ZNF718: variants seen among roughly 807,000 people sequenced by gnomAD.
The protein encoded by ZNF718 is zinc finger protein 718.
Under a neutral mutation model 2.6 loss-of-function variants are expected in ZNF718, and 3 were observed. The observed-to-expected ratio is 1.16, with a 90% CI of 0.53 to 3.01. ZNF718 has a LOEUF of 3.01. ZNF718 is among the 30% of genes most tolerant of loss of function. ZNF718 has a pLI of 0.03. For missense variants in ZNF718, 468 were observed against 230.0 expected, an observed-to-expected ratio of 2.03 and a Z score of -6.69; for synonymous variants, 135 against 77.9, an observed-to-expected ratio of 1.73 and a Z score of -3.86.
At chr4:144,937 G>C (rs1157064570) in intron 3 of ZNF718, among the ~76,000 whole-genome samples, 1 of 149,768 alleles carries the variant, frequency 6.7e-6, no homozygotes, top group Non-Finnish European at 1.5e-5. Context: ...AGTTTTTTTT[G>C]TGACAGATTT....
Position 145,965 on chromosome 4 carries a change from T to C in ZNF718, c.226+14460T>C, listed in dbSNP as rs546933794. ...TATGTCACCCTTTACTTTTTTTTAA[T>C]ATTGTGTACCTGTTAACAAATATAC... On this transcript the variant is annotated intron_variant, in intron 3 of 3. Transcript: ENST00000510175. Among the ~76,000 whole-genome samples the C allele has an allele frequency of 1.2e-3, 179 of 152,124 alleles. 4 individuals are homozygous for C. The South Asian group carries it at 0.036, about 31-fold the overall frequency.
intron 3 of ZNF718, among the ~76,000 whole-genome samples, chr4:138,198 T>C (rs1246881669): frequency 6.6e-6 from 1 of 152,234 alleles, no homozygotes; most frequent in Non-Finnish European, 1.5e-5. Context: ...CTTTTGACTA[T>C]AGTCACTCTG....
At chr4:183,946 A>G (rs996377174) in intron 3 of ZNF718, among the ~76,000 whole-genome samples, 1 of 152,054 alleles carries the variant, frequency 6.6e-6, no homozygotes, top group Admixed American at 6.6e-5. Flanking sequence ...GGATCATGTC[A>G]TCTGCAGAGA....
rs1715402999 is a variant in ZNF718, at chr4:133,198, ATATATAT to A, written c.226+1694_226+1700del. ...ATCTTAAAAAAAAAAAAAAAAAAATATATATATATATATATATATATATATATATATG... is the reference window on the plus strand; with the variant it reads ...ATCTTAAAAAAAAAAAAAAAAAAATAATATATATATATATATATATATATG... On this transcript the variant is annotated intron_variant, in intron 3 of 3. Coordinates refer to ENST00000510175, the MANE Select transcript of ZNF718 (RefSeq NM_001039127.6). Among the ~76,000 whole-genome samples, 56 of 19,268 alleles carry A rather than the reference ATATATAT, an allele frequency of 2.9e-3. 8 individuals are homozygous for A. Among genetic ancestry groups the A allele is most frequent in the African/African-American group, 0.013 (49 of 3,826 alleles). 12.6% of individuals were successfully genotyped at this position (19,268 alleles called of 152,430 possible).
At chr4:153,045 T>A (rs1175236546) in intron 3 of ZNF718, among the ~76,000 whole-genome samples, 1 of 151,846 alleles carries the variant, frequency 6.6e-6, no homozygotes, top group African/African-American at 2.4e-5. Context: ...ATGTTTGGGT[T>A]TCCCAAACAT....
chr4:183,949 T>G (rs1217336472), intron 3 of ZNF718, among the ~76,000 whole-genome samples: 1 of 152,184 alleles, frequency 6.6e-6, no homozygotes, highest in Non-Finnish European at 1.5e-5. Context: ...TCATGTCATC[T>G]GCAGAGAAGA....
intron 1 of ZNF718, chr4:124,955 C>G (rs1265383412): frequency 5.3e-6 from 2 of 375,806 alleles, no homozygotes; most frequent in East Asian, 5.9e-5. Context: ...TGCGCGGTGC[C>G]GGCGTGGGAG....
At chr4:169,548 A>C (rs572660265) in intron 3 of ZNF718, among the ~76,000 whole-genome samples, 2 of 152,298 alleles carry the variant, frequency 1.3e-5, no homozygotes, top group South Asian at 4.1e-4. Flanking sequence ...TATTGGGTGC[A>C]TATATATTTA....
At chr4:171,488 C>T (rs115903868) in intron 3 of ZNF718, among the ~76,000 whole-genome samples, 2,692 of 152,232 alleles carry the variant, frequency 0.018, 84 homozygotes, top group African/African-American at 0.061. Flanking sequence ...GCGGTGGGCT[C>T]CACCGAGTTC....
At chr4:196,172 G>C (rs1443192789) in intron 3 of ZNF718, among the ~76,000 whole-genome samples, 5 of 152,206 alleles carry the variant, frequency 3.3e-5, no homozygotes, top group African/African-American at 1.2e-4. Flanking sequence ...AGGAGCCAAG[G>C]CTTGGAGATT....
chr4:126,123 C>A (rs1715205131), intron 1 of ZNF718, among the ~76,000 whole-genome samples: 1 of 152,230 alleles, frequency 6.6e-6, no homozygotes, highest in African/African-American at 2.4e-5. Context: ...GTGCTTTTTC[C>A]TTCCCCACAA....
At chr4:164,261 A>G (rs1184798105), downstream of ZNF718, among the ~76,000 whole-genome samples, 2 of 152,120 alleles carry the variant, frequency 1.3e-5, no homozygotes, top group Non-Finnish European at 2.9e-5. Context: ...GCTGTAAGAT[A>G]AACCTTAGGT....
At chr4:125,134 G>A (rs1179567646) in intron 1 of ZNF718, 1 of 157,974 alleles carries the variant, frequency 6.3e-6, no homozygotes, top group African/African-American at 2.4e-5. Context: ...GCTTTTGTGA[G>A]GTGTGTGAGG....
intron 3 of ZNF718, among the ~76,000 whole-genome samples, chr4:171,634 C>T (rs1425927738): frequency 2.6e-5 from 4 of 152,156 alleles, no homozygotes; most frequent in Non-Finnish European, 5.9e-5. Flanking sequence ...GGTGTAGGAC[C>T]CTCTGAGCCA....
intron 3 of ZNF718, among the ~76,000 whole-genome samples, chr4:169,941 A>C (rs200325555): frequency 0.19 from 29,093 of 150,388 alleles, 3,011 homozygotes; most frequent in Admixed American, 0.26. Flanking sequence ...TCTTCCTAGC[A>C]TCGATGGTCT....
chr4:140,300 C>T (rs745714369), intron 3 of ZNF718, among the ~76,000 whole-genome samples: 30 of 152,226 alleles, frequency 2.0e-4, no homozygotes, highest in Non-Finnish European at 3.8e-4. Flanking sequence ...GTGGGTCCTG[C>T]GGACCTCAAC....
At chr4:168,164 A>G (rs1431214622), downstream of ZNF718, among the ~76,000 whole-genome samples, 3 of 152,092 alleles carry the variant, frequency 2.0e-5, no homozygotes, top group Non-Finnish European at 2.9e-5. Flanking sequence ...ATTGATTTTC[A>G]TATGTTGAAA....
At chr4:173,113 A>G (rs1435570019) in intron 3 of ZNF718, among the ~76,000 whole-genome samples, 1 of 152,188 alleles carries the variant, frequency 6.6e-6, no homozygotes, top group Non-Finnish European at 1.5e-5. Context: ...TATTTATACC[A>G]TATAAACTCT....
intron 3 of ZNF718, among the ~76,000 whole-genome samples, chr4:188,295 AGCTGTGCTGT>A (rs201386412): frequency 1.3e-5 from 2 of 152,202 alleles, no homozygotes; most frequent in Non-Finnish European, 2.9e-5. Context: ...TTGGTAAAAC[AGCTGTGCTGT>A]GCTGTGCTGT....
Sources: gnomAD v4.1 joint callset for allele counts (sites outside exome capture counted in the v4.1 genomes callset) on GRCh38, gnomAD v4.1.1 for gene constraint, MANE v1.5 for transcripts, NCBI Gene and HGNC (gene_info 2026-07-23, HGNC 2026-07-21) for gene names.